The following GSN variants were observed in gnomAD, a reference collection of about 807,000 sequenced individuals.
The protein encoded by GSN is actin-depolymerizing factor.
GSN carries 56 observed loss-of-function variants against 85.7 expected under a neutral mutation model. That is an observed-to-expected ratio of 0.65 (90% CI 0.53 to 0.82). The LOEUF is 0.82. Among genes scored for constraint, GSN ranks in the 40% least tolerant of loss-of-function variants. The pLI, the probability that GSN is intolerant of heterozygous loss-of-function variation, is 0.00. For missense variants in GSN, 857 were observed against 979.8 expected, an observed-to-expected ratio of 0.87 and a Z score of 1.67; for synonymous variants, 373 against 399.1, an observed-to-expected ratio of 0.93 and a Z score of 0.78.
chr9:121,288,778 G>T (rs1258464515), intron 2 of GSN, among the ~76,000 whole-genome samples: 1 of 152,132 alleles, frequency 6.6e-6, no homozygotes, highest in African/African-American at 2.4e-5. Flanking sequence ...CTTCTAAGGG[G>T]TGGGACCTGG....
At chr9:121,288,506 A>G (rs2058369462) in intron 2 of GSN, among the ~76,000 whole-genome samples, 1 of 152,206 alleles carries the variant, frequency 6.6e-6, no homozygotes, top group Admixed American at 6.5e-5. Context: ...ACTCTGTGCC[A>G]GCTTCTTAGA....
chr9:121,202,856 G>A (rs1348117606), upstream of GSN, among the ~76,000 whole-genome samples: 1 of 152,240 alleles, frequency 6.6e-6, no homozygotes, highest in Non-Finnish European at 1.5e-5. Context: ...GCCGGGCGCG[G>A]TGGCTCACGC....
At chr9:121,267,511 C>T (rs549647889), upstream of GSN, among the ~76,000 whole-genome samples, 52 of 152,300 alleles carry the variant, frequency 3.4e-4, no homozygotes, top group Admixed American at 6.5e-4. Context: ...AACGAGGAAA[C>T]GGAGACTTAG....
chr9:121,276,442 C>T (rs1166534832), intron 1 of GSN, among the ~76,000 whole-genome samples: 1 of 152,238 alleles, frequency 6.6e-6, no homozygotes, highest in African/African-American at 2.4e-5. Flanking sequence ...CGCCAGGTCC[C>T]TCCTCAGCCT....
At position 121,211,678 on chromosome 9, in the gene GSN, A is replaced by G. The variant is rs563958501; in HGVS notation, c.-528+811A>G. ...CCCCTCTCTGGGCCTCAATTTTCCT[A>G]TCTGGAATGTAGAGAGGTTAGTTGA... On this transcript the variant is annotated intron_variant, in intron 4 of 24. Coordinates refer to the GSN transcript ENST00000373823. Among the ~76,000 whole-genome samples, 4 of 152,154 alleles carry G rather than the reference A, an allele frequency of 2.6e-5. No individual in the cohort carries two copies. The East Asian group carries it at 5.8e-4, about 22-fold the overall frequency.
At chr9:121,204,805 G>A (rs2053856110), upstream of GSN, among the ~76,000 whole-genome samples, 1 of 152,144 alleles carries the variant, frequency 6.6e-6, no homozygotes, top group African/African-American at 2.4e-5. Flanking sequence ...AAAGAATGAG[G>A]CCCATGTATA....
intron 6 of GSN, among the ~76,000 whole-genome samples, chr9:121,249,320 AC>A (rs2054768116): frequency 6.6e-6 from 1 of 152,026 alleles, no homozygotes; most frequent in Non-Finnish European, 1.5e-5. Flanking sequence ...TTTTTTAAAT[AC>A]AAAAATTTAG....
intron 2 of GSN, among the ~76,000 whole-genome samples, chr9:121,209,796 G>A (rs1275184457): frequency 1.3e-5 from 2 of 152,194 alleles, no homozygotes; most frequent in African/African-American, 2.4e-5. Flanking sequence ...GTTTCCCCAA[G>A]TAAGTTAGGA....
At chr9:121,255,039 C>G (rs1420999972) in intron 6 of GSN, among the ~76,000 whole-genome samples, 4 of 152,114 alleles carry the variant, frequency 2.6e-5, no homozygotes, top group Admixed American at 1.3e-4. Flanking sequence ...AGCTCTGCCC[C>G]CTGGGTTCAC....
upstream of GSN, among the ~76,000 whole-genome samples, chr9:121,205,028 A>T (rs2053859954): frequency 6.6e-6 from 1 of 152,234 alleles, no homozygotes; most frequent in Admixed American, 6.5e-5. Context: ...TTGAAAATAA[A>T]AAGCCCACAA....
chr9:121,317,555 G>C (rs747987544), intron 8 of GSN: 31 of 346,734 alleles, frequency 8.9e-5, no homozygotes, highest in Non-Finnish European at 1.6e-4. Context: ...GGCAACAGTG[G>C]ATTTTAAAAT....
intron 5 of GSN, chr9:121,238,850 C>A: frequency 1.9e-6 from 1 of 529,766 alleles, no homozygotes; most frequent in South Asian, 1.4e-5. Flanking sequence ...CTACAGCAAT[C>A]ATGGCTTGTA....
chr9:121,322,992 C>T (rs1048096449), intron 11 of GSN, among the ~76,000 whole-genome samples: 5 of 151,914 alleles, frequency 3.3e-5, no homozygotes, highest in Admixed American at 6.6e-5. Flanking sequence ...CTCACCACCA[C>T]ACCCGGCTAC....
upstream of GSN, among the ~76,000 whole-genome samples, chr9:121,206,978 C>G (rs1375026844): frequency 6.6e-6 from 1 of 152,166 alleles, no homozygotes; most frequent in Non-Finnish European, 1.5e-5. Context: ...GAAACTGAGA[C>G]CTACTGAGAA....
chr9:121,313,880 G>A, intron 6 of GSN, 54 bp from the exon 7 acceptor site: 1 of 1,369,120 alleles, frequency 7.3e-7, no homozygotes, highest in Non-Finnish European at 1.0e-6. Context: ...TATCTCAGGA[G>A]CCTGGCCCCT....
At position 121,301,355 on chromosome 9, in the gene GSN, G is replaced by A. The variant is rs1363511890; in HGVS notation, c.-9-608G>A. Among the ~76,000 whole-genome samples the A allele has an allele frequency of 3.9e-5, 6 of 152,152 alleles. No individual in the cohort carries two copies. In the East Asian group the frequency reaches 9.6e-4, roughly 24 times the overall value. On this transcript the variant is annotated intron_variant, in intron 2 of 17. Coordinates refer to ENST00000432226, the MANE Select transcript of GSN (RefSeq NM_198252.3). ...TAAGAAAAGAAGGGAGGCTGGGCGCGGTGGCTCACGCCTGTAATCCCAACA... is the reference window on the plus strand; with the variant it reads ...TAAGAAAAGAAGGGAGGCTGGGCGCAGTGGCTCACGCCTGTAATCCCAACA...
Position 121,299,694 on chromosome 9 carries a change from G to A in GSN, c.-9-2269G>A. Reference sequence around the variant, plus strand: ...GTGCAGGGGCTGCCGCGCCCTGTCGGGTCGATCCGGGTGGGAACCCAGATG... The same window carrying A: ...GTGCAGGGGCTGCCGCGCCCTGTCGAGTCGATCCGGGTGGGAACCCAGATG... On this transcript the variant is annotated intron_variant, in intron 2 of 17. Transcript: ENST00000432226. This position sits in a 1 kb window ranked among gnomAD's most constrained non-coding sequence, Gnocchi z 4.2. 1 of 861,472 alleles carries A rather than the reference G, an allele frequency of 1.2e-6. No homozygotes were observed. The highest frequency in any genetic ancestry group is 5.1e-5 in the South Asian group (1 of 19,468). 53.4% of individuals were successfully genotyped at this position (861,472 alleles called of 1,614,324 possible).
chr9:121,238,480 AG>A (rs1204339087), intron 5 of GSN, among the ~76,000 whole-genome samples: 2 of 152,200 alleles, frequency 1.3e-5, no homozygotes, highest in Non-Finnish European at 2.9e-5. Flanking sequence ...ACAGACTAAA[AG>A]CTTCACTGTC....
At chr9:121,207,032 T>G (rs939401755), upstream of GSN, among the ~76,000 whole-genome samples, 1 of 152,256 alleles carries the variant, frequency 6.6e-6, no homozygotes, top group Admixed American at 6.5e-5. Flanking sequence ...AGGCATGCAC[T>G]TATTCAGAAA....
Sources: allele counts gnomAD v4.1 joint callset (sites outside exome capture counted in the v4.1 genomes callset), GRCh38; gene constraint gnomAD v4.1.1; non-coding constraint Gnocchi (gnomAD v3.1); transcripts MANE v1.5; gene names NCBI Gene and HGNC (gene_info 2026-07-23, HGNC 2026-07-21).